SCAP: variants seen among roughly 807,000 people sequenced by gnomAD.
The protein encoded by SCAP is SREBF chaperone.
Under a neutral mutation model 123.6 loss-of-function variants are expected in SCAP, and 65 were observed. The observed-to-expected ratio is 0.53, with a 90% CI of 0.43 to 0.65. The LOEUF (loss-of-function observed/expected upper bound fraction) is 0.65, where lower values mean the gene tolerates loss of function less well. SCAP is among the 30% of genes least tolerant of loss of function. The probability of loss-of-function intolerance (pLI) is 0.00; values close to 1 mark genes in which losing one functional copy is unlikely to be tolerated. For synonymous variants in SCAP, 740 were observed against 726.3 expected (o/e 1.02, Z -0.30); for missense variants, 1,398 against 1,712.5 (o/e 0.82, Z 3.24).
In SCAP at chr3:47,418,119, G is replaced by A. The variant is rs765920903; in HGVS notation, c.2447+15C>T. ...GTTGTGGGGGCACAAAGGAGGAAAG[G>A]GCAGCCGCACCTACCCTGGGCGCGG... On this transcript the variant is annotated intron_variant, in intron 16 of 22. Coordinates refer to ENST00000265565, the MANE Select transcript of SCAP (RefSeq NM_012235.4). 4 of 1,544,850 alleles carry A rather than the reference G, an allele frequency of 2.6e-6. 1 individual carries two copies. The South Asian group carries it at 3.6e-5, about 14-fold the overall frequency.
chr3:47,435,117 G>C lies in SCAP; in HGVS notation c.143C>G (p.Pro48Arg). ...TTCCACAGGTCCTGTTCCTGGCAAG[G>C]GGAGTTTCAGCAGTGGGTAGCTGGG... ...LACCYPLLKL[P>R]LPGTGPVEFT... Residue 48 changes from proline (P) to arginine (R), a missense_variant, in exon 3 of 23, where the codon CCC (proline) becomes CGC (arginine). Transcript: ENST00000265565. 2 of 1,613,940 alleles carry C rather than the reference G, an allele frequency of 1.2e-6. No individual in the cohort carries two copies. Among genetic ancestry groups the C allele is most frequent in the Non-Finnish European group, 1.7e-6 (2 of 1,179,914 alleles).
In SCAP at chr3:47,424,278, T is replaced by A. The variant is rs531774750; in HGVS notation, c.1038-233A>T. 9.2e-5 allele frequency among the ~76,000 whole-genome samples: 14 copies of A among 152,270 alleles called. No homozygotes were observed. In the South Asian group the frequency reaches 2.9e-3, roughly 32 times the overall value. On this transcript the variant is annotated intron_variant, in intron 8 of 22. Transcript: ENST00000265565. The stretch of plus-strand genomic sequence containing the variant: ...TGCAGAGGGGCCAGCAGCCATCCTG[T>A]CTCTAGCCATCCAGCACAGGAGGGC...
At chr3:47,473,499 G>A (rs1708148942) in intron 1 of SCAP, among the ~76,000 whole-genome samples, 1 of 152,174 alleles carries the variant, frequency 6.6e-6, no homozygotes, top group Non-Finnish European at 1.5e-5. Flanking sequence ...CCCTTGACAA[G>A]CTGGGTGACC....
chr3:47,447,101 T>C (rs13061438), intron 1 of SCAP, among the ~76,000 whole-genome samples: 171 of 152,232 alleles, frequency 1.1e-3, no homozygotes, highest in South Asian at 3.1e-3. Flanking sequence ...CTTGGCATCT[T>C]TGTCAAAAAG....
chr3:47,466,355 T>G (rs1019299164), intron 1 of SCAP, among the ~76,000 whole-genome samples: 5 of 152,164 alleles, frequency 3.3e-5, no homozygotes, highest in African/African-American at 1.2e-4. Context: ...CCAGATCTTC[T>G]GTAGTTCATC....
In SCAP at chr3:47,463,395, T is replaced by C. The variant is rs141602402; in HGVS notation, c.-99+12404A>G. ...CTAAAGCACAAATCACTAATGTCACTACCCTGCTCAAAACACTCCAGTGGG... is the reference window on the plus strand; with the variant it reads ...CTAAAGCACAAATCACTAATGTCACCACCCTGCTCAAAACACTCCAGTGGG... On this transcript the variant is annotated intron_variant, in intron 1 of 22. Coordinates refer to ENST00000265565, the MANE Select transcript of SCAP (RefSeq NM_012235.4). Among the ~76,000 whole-genome samples the C allele has an allele frequency of 1.1e-3, 175 of 152,292 alleles. 3 individuals are homozygous for C. The highest frequency in any genetic ancestry group is 5.0e-3 in the South Asian group (24 of 4,826).
intron 1 of SCAP, among the ~76,000 whole-genome samples, chr3:47,452,957 G>A (rs565855743): frequency 6.6e-6 from 1 of 151,840 alleles, no homozygotes; most frequent in Non-Finnish European, 1.5e-5. Flanking sequence ...TTAGCCAATT[G>A]TGGTGGCTCA....
chr3:47,465,692 C>A (rs1474152026), intron 1 of SCAP, among the ~76,000 whole-genome samples: 6 of 151,714 alleles, frequency 4.0e-5, no homozygotes, highest in Non-Finnish European at 4.4e-5. Context: ...TCACTTGAGC[C>A]TGGGAGCTCA....
chr3:47,438,843 T>G (rs1237470668), intron 2 of SCAP, among the ~76,000 whole-genome samples: 1 of 151,820 alleles, frequency 6.6e-6, no homozygotes, highest in East Asian at 1.9e-4. Context: ...AATTTTAGGC[T>G]GTGGCTACAG....
At chr3:47,473,885 A>G (rs1708164186) in intron 1 of SCAP, among the ~76,000 whole-genome samples, 2 of 152,164 alleles carry the variant, frequency 1.3e-5, no homozygotes, top group South Asian at 4.1e-4. Context: ...GACTGAGGGA[A>G]CGGGGGAAGG....
intron 2 of SCAP, 22 bp from the exon 3 acceptor site, chr3:47,435,159 TAAGAATTAGA>T: frequency 6.2e-7 from 1 of 1,607,132 alleles, no homozygotes; most frequent in Non-Finnish European, 8.5e-7. Context: ...AAAAAGGAGA[TAAGAATTAGA>T]CACTATGAGA....
chr3:47,425,711 A>G, intron 7 of SCAP, 100 bp from the exon 8 acceptor site: 2 of 1,339,744 alleles, frequency 1.5e-6, no homozygotes, highest in Non-Finnish European at 2.1e-6. Context: ...GGAAGGGAAA[A>G]CTCCTGGTTT....
At chr3:47,460,029 T>C (rs1406934993) in intron 1 of SCAP, among the ~76,000 whole-genome samples, 1 of 152,180 alleles carries the variant, frequency 6.6e-6, no homozygotes, top group Admixed American at 6.5e-5. Flanking sequence ...TAGCGATATC[T>C]TCCCTACTTG....
chr3:47,436,488 G>C lies in SCAP; in HGVS notation c.123-1351C>G, dbSNP rs1706583683. Among the ~76,000 whole-genome samples, 6 of 152,040 alleles carry C rather than the reference G, an allele frequency of 3.9e-5. No homozygotes were observed. In the South Asian group the frequency reaches 1.2e-3, roughly 32 times the overall value. On this transcript the variant is annotated intron_variant, in intron 2 of 22. Coordinates refer to ENST00000265565, the MANE Select transcript of SCAP (RefSeq NM_012235.4). Reference sequence around the variant, plus strand: ...TCTCTACCAAAAATACAAAAAATTAGCTGGGCATGGTGGTGTGCACCTGTG... The same window carrying C: ...TCTCTACCAAAAATACAAAAAATTACCTGGGCATGGTGGTGTGCACCTGTG...
chr3:47,470,354 C>T (rs992759055), intron 1 of SCAP, among the ~76,000 whole-genome samples: 3 of 152,154 alleles, frequency 2.0e-5, no homozygotes, highest in African/African-American at 7.2e-5. Flanking sequence ...AGGAAGAAGA[C>T]TGGCACTAGA....
At chr3:47,469,657 C>T (rs771100180) in intron 1 of SCAP, 36 of 243,590 alleles carry the variant, frequency 1.5e-4, no homozygotes, top group Middle Eastern at 1.5e-3. Context: ...CTGCACCCAG[C>T]CACCAAATAA....
intron 18 of SCAP, 119 bp downstream of exon 18, chr3:47,417,001 AAG>A (rs1705609618): frequency 1.2e-6 from 1 of 836,550 alleles, no homozygotes; most frequent in Non-Finnish European, 1.9e-6. Context: ...GCTGGGCACC[AAG>A]AAGGTCAATC....
In SCAP at chr3:47,414,999, G is replaced by A. The variant is rs1461530158; in HGVS notation, c.3140-6C>T. 6.3e-7 allele frequency: 1 copy of A among 1,584,122 alleles called. No individual in the cohort carries two copies. The highest frequency in any genetic ancestry group is 8.6e-7 in the Non-Finnish European group (1 of 1,166,340). On this transcript the variant is annotated splice_region_variant and splice_polypyrimidine_tract_variant and intron_variant, in intron 19 of 22. Transcript: ENST00000265565. Reference sequence around the variant, plus strand: ...ACTGCCCCGCCCTGGGGTCCCTGAGGACAAAAGGCCAAGTGAAGAATCTCT... The same window carrying A: ...ACTGCCCCGCCCTGGGGTCCCTGAGAACAAAAGGCCAAGTGAAGAATCTCT...
chr3:47,435,055 C>G lies in SCAP; in HGVS notation c.205G>C (p.Val69Leu), dbSNP rs1559552396. 6.2e-7 allele frequency: 1 copy of G among 1,614,136 alleles called. No individual in the cohort carries two copies. Among genetic ancestry groups the G allele is most frequent in the South Asian group, 1.1e-5 (1 of 91,078 alleles). ...TCTCCTTGTTTGCGGTCAGAGTCCA[C>G]AGGTGGGGGCGAGTAATCCTTCACA... ...TPVKDYSPPP[V>L]DSDRKQGEPT... The change falls in exon 3 of 23, where the codon GTG becomes CTG. Residue 69 changes from valine to leucine, a missense_variant. Around this residue, in one of 7 missense-constraint regions of SCAP, gnomAD observed 319 missense variants for 432.4 expected, o/e 0.74. Transcript: ENST00000265565.
Sources: allele counts gnomAD v4.1 joint callset (sites outside exome capture counted in the v4.1 genomes callset), GRCh38; gene constraint gnomAD v4.1.1; regional missense constraint gnomAD v4.1.1; transcripts MANE v1.5; gene names NCBI Gene and HGNC (gene_info 2026-07-23, HGNC 2026-07-21).